PDE7B: variants seen among roughly 807,000 people sequenced by gnomAD.
PDE7B encodes the protein phosphodiesterase 7B, also known as 3',5'-cyclic-AMP phosphodiesterase 7B.
PDE7B carries 29 observed loss-of-function variants against 56.2 expected under a neutral mutation model. The ratio of observed to expected loss-of-function variants is 0.52; its 90% CI spans 0.38 to 0.70. PDE7B has a LOEUF of 0.70. PDE7B is among the 30% of genes least tolerant of loss of function. The pLI, the probability that PDE7B is intolerant of heterozygous loss-of-function variation, is 0.00. For missense variants in PDE7B, 490 were observed against 565.0 expected (o/e 0.87, Z 1.35); for synonymous variants, 197 against 196.9 (o/e 1.00, Z 0.00).
intron 2 of PDE7B, among the ~76,000 whole-genome samples, chr6:136,036,944 G>T (rs1253210331): frequency 2.6e-5 from 4 of 152,184 alleles, no homozygotes; most frequent in Admixed American, 2.0e-4. Flanking sequence ...TCTGTCCAAG[G>T]CCTTTCACAT....
intron 2 of PDE7B, among the ~76,000 whole-genome samples, chr6:136,043,519 GAATT>G (rs1261057624): frequency 2.3e-5 from 3 of 130,376 alleles, no homozygotes; most frequent in South Asian, 2.5e-4. Context: ...TGTAAAAAGA[GAATT>G]AATAATAGCA....
chr6:136,011,162 A>G (rs928545975), intron 2 of PDE7B, among the ~76,000 whole-genome samples: 7 of 152,126 alleles, frequency 4.6e-5, no homozygotes, highest in Non-Finnish European at 8.8e-5. Context: ...CCCCATCAAA[A>G]AAACAAAACA....
chr6:135,930,681 A>G (rs1207754451), intron 1 of PDE7B, among the ~76,000 whole-genome samples: 1 of 152,218 alleles, frequency 6.6e-6, no homozygotes, highest in African/African-American at 2.4e-5. Flanking sequence ...GATTAAATCA[A>G]GTGAGACCCT....
chr6:136,024,839 G>A (rs1369188958), intron 2 of PDE7B, among the ~76,000 whole-genome samples: 1 of 152,188 alleles, frequency 6.6e-6, no homozygotes, highest in East Asian at 1.9e-4. Context: ...AATGCCAACT[G>A]GAAGATGGAA....
rs112463521 is a variant in PDE7B at position 135,999,798 on chromosome 6, C to T, written c.82+52274C>T. Among the ~76,000 whole-genome samples, 460 of 152,070 alleles carry T rather than the reference C, an allele frequency of 3.0e-3. 2 individuals carry two copies. Among genetic ancestry groups the T allele is most frequent in the African/African-American group, 0.01 (425 of 41,478 alleles). ...ATAGCCAGTAATGAGATTGCTGGGC[C>T]GAATAGTAGTTCTGATTTTAGCCCT... On this transcript the variant is annotated intron_variant, in intron 2 of 12. Coordinates refer to ENST00000308191, the MANE Select transcript of PDE7B (RefSeq NM_018945.4).
intron 2 of PDE7B, among the ~76,000 whole-genome samples, chr6:136,093,572 C>T (rs892053032): frequency 6.6e-5 from 10 of 152,326 alleles, no homozygotes; most frequent in African/African-American, 2.4e-4. Context: ...TCTGCCTTCT[C>T]TGTGCAACCA....
chr6:135,949,353 A>G (rs1774654349), intron 2 of PDE7B, among the ~76,000 whole-genome samples: 1 of 152,082 alleles, frequency 6.6e-6, no homozygotes, highest in African/African-American at 2.4e-5. Context: ...GAATTCACTT[A>G]AAGTAAGATC....
At chr6:136,181,068 A>C (rs1346781892) in intron 10 of PDE7B, among the ~76,000 whole-genome samples, 159 bp from the exon 11 acceptor site, 1 of 152,228 alleles carries the variant, frequency 6.6e-6, no homozygotes, top group East Asian at 1.9e-4. Context: ...ATGGTGAATA[A>C]GTGCAGTTTC....
intron 9 of PDE7B, among the ~76,000 whole-genome samples, chr6:136,178,373 T>C (rs1044861860): frequency 6.6e-6 from 1 of 152,246 alleles, no homozygotes; most frequent in Admixed American, 6.5e-5. Context: ...TTACTTTTTA[T>C]ATGTGAGGGA....
At chr6:136,134,151 A>G (rs1277910703) in intron 3 of PDE7B, among the ~76,000 whole-genome samples, 2 of 152,116 alleles carry the variant, frequency 1.3e-5, no homozygotes, top group Non-Finnish European at 2.9e-5. Context: ...AGGGATGACT[A>G]AAGGCCCTCA....
intron 8 of PDE7B, among the ~76,000 whole-genome samples, chr6:136,162,977 C>G (rs922819300): frequency 2.2e-4 from 33 of 152,200 alleles, no homozygotes; most frequent in African/African-American, 7.0e-4. Flanking sequence ...TTCCCAGCTG[C>G]TTTCATGGGA....
chr6:135,887,542 C>T (rs1775731649), intron 1 of PDE7B, among the ~76,000 whole-genome samples: 1 of 152,114 alleles, frequency 6.6e-6, no homozygotes, highest in South Asian at 2.1e-4. Context: ...GACAAAGATA[C>T]TAAATATACA....
intron 3 of PDE7B, among the ~76,000 whole-genome samples, chr6:136,146,502 T>C (rs1305865080): frequency 1.3e-5 from 2 of 152,226 alleles, no homozygotes; most frequent in Admixed American, 6.5e-5. Context: ...GTAAACACTC[T>C]CTGCTTCTTC....
intron 2 of PDE7B, among the ~76,000 whole-genome samples, chr6:136,011,869 G>C (rs1292100713): frequency 6.6e-6 from 1 of 152,084 alleles, no homozygotes; most frequent in Non-Finnish European, 1.5e-5. Context: ...AGTTTTATTG[G>C]ATTTGGGGAC....
At chr6:136,052,626 C>T (rs545976937) in intron 2 of PDE7B, among the ~76,000 whole-genome samples, 2 of 150,452 alleles carry the variant, frequency 1.3e-5, no homozygotes, top group Middle Eastern at 3.2e-3. Flanking sequence ...AGCCCCCCCC[C>T]ACCCACAGCA....
intron 2 of PDE7B, among the ~76,000 whole-genome samples, chr6:136,081,538 G>A (rs1156671006): frequency 6.6e-6 from 1 of 152,150 alleles, no homozygotes; most frequent in Non-Finnish European, 1.5e-5. Context: ...GGAAAAAGAG[G>A]ACAAACTTTC....
At chr6:135,900,112 A>T (rs1023720974) in intron 1 of PDE7B, among the ~76,000 whole-genome samples, 17 of 151,838 alleles carry the variant, frequency 1.1e-4, no homozygotes, top group East Asian at 3.9e-4. Flanking sequence ...TGGTTTTTTT[A>T]AAAAAACATT....
chr6:136,074,268 T>C (rs552234195), intron 2 of PDE7B, among the ~76,000 whole-genome samples: 1 of 151,742 alleles, frequency 6.6e-6, no homozygotes, highest in Admixed American at 6.6e-5. Flanking sequence ...GGGGTTTTTT[T>C]GTTGTTTAAG....
At chr6:136,058,725 AG>A (rs1776782863) in intron 2 of PDE7B, among the ~76,000 whole-genome samples, 1 of 152,094 alleles carries the variant, frequency 6.6e-6, no homozygotes, top group Non-Finnish European at 1.5e-5. Context: ...AATGTAAGAG[AG>A]GGGATGAGGA....
Sources: allele counts gnomAD v4.1 joint callset (sites outside exome capture counted in the v4.1 genomes callset), GRCh38; gene constraint gnomAD v4.1.1; transcripts MANE v1.5; gene names NCBI Gene and HGNC (gene_info 2026-07-23, HGNC 2026-07-21).